PCDH7: variants seen among roughly 807,000 people sequenced by gnomAD.
The protein encoded by PCDH7 is protocadherin 7.
PCDH7 carries 17 observed loss-of-function variants against 58.9 expected under a neutral mutation model. The ratio of observed to expected loss-of-function variants is 0.29; its 90% CI spans 0.20 to 0.43. The LOEUF is 0.43. PCDH7 is among the 20% of genes least tolerant of loss of function. The pLI, the probability that PCDH7 is intolerant of heterozygous loss-of-function variation, is 1.00. For synonymous variants in PCDH7, 664 were observed against 616.4 expected (o/e 1.08, Z -1.14); for missense variants, 1,274 against 1,441.0 (o/e 0.88, Z 1.88).
chr4:30,725,146 G>A, intron 1 of PCDH7: 1 of 999,978 alleles, frequency 1.0e-6, no homozygotes, highest in Non-Finnish European at 1.2e-6. Flanking sequence ...CTACTTTGAT[G>A]AAACTGCTGG....
chr4:30,884,519 G>C (rs1296649085), intron 1 of PCDH7: 1 of 152,138 alleles, frequency 6.6e-6, no homozygotes, highest in Non-Finnish European at 1.5e-5. Context: ...AATGGATGCT[G>C]TCTGTCCGAT....
At chr4:30,968,777 CTGGCATAGGATGCTCTATAG>C (rs981042863) in intron 3 of PCDH7, among the ~76,000 whole-genome samples, 12 of 152,038 alleles carry the variant, frequency 7.9e-5, no homozygotes, top group East Asian at 1.9e-4. Flanking sequence ...AAAACAGAAA[CTGGCATAGGATGCTCTATAG>C]TGGCATAGGA....
At chr4:30,761,375 G>A (rs932803963) in intron 1 of PCDH7, among the ~76,000 whole-genome samples, 6 of 152,020 alleles carry the variant, frequency 3.9e-5, no homozygotes, top group Admixed American at 6.5e-5. Context: ...AGTCACATAT[G>A]TAATTTTTAA....
At chr4:30,991,490 C>A (rs943134729) in intron 3 of PCDH7, among the ~76,000 whole-genome samples, 6 of 152,116 alleles carry the variant, frequency 3.9e-5, no homozygotes, top group Non-Finnish European at 8.8e-5. Context: ...TCAGCACTCT[C>A]GAGACTGAGG....
intron 1 of PCDH7, among the ~76,000 whole-genome samples, chr4:30,915,839 A>C (rs1166187806): frequency 6.6e-6 from 1 of 151,860 alleles, no homozygotes; most frequent in East Asian, 1.9e-4. Context: ...CTTTTTTTCA[A>C]ATTGCTTGCT....
At position 30,724,625 on chromosome 4, in the gene PCDH7, A is replaced by T. The variant is rs767223821; in HGVS notation, c.3174+29A>T. 5 of 1,606,482 alleles carry T rather than the reference A, an allele frequency of 3.1e-6. No homozygotes were observed. The South Asian group carries it at 5.5e-5, about 18-fold the overall frequency. On this transcript the variant is annotated intron_variant, in intron 1 of 1. Coordinates refer to ENST00000361762, the Ensembl canonical transcript of PCDH7. ...AGATGTATCCCAAATATATTTAAAT[A>T]TCCCAGGGAGGGCTAATAACTCTGA...
At chr4:30,796,819 C>A (rs1055942440) in intron 1 of PCDH7, among the ~76,000 whole-genome samples, 1 of 152,174 alleles carries the variant, frequency 6.6e-6, no homozygotes, top group African/African-American at 2.4e-5. Flanking sequence ...AAGGCTTTTA[C>A]GTGCTTTGCA....
chr4:30,866,874 G>A (rs536199526), intron 1 of PCDH7, among the ~76,000 whole-genome samples: 36 of 152,218 alleles, frequency 2.4e-4, no homozygotes, highest in African/African-American at 8.4e-4. Flanking sequence ...TTTTGATAAA[G>A]CAGTAAACCT....
At chr4:31,022,066 C>A (rs1199181159) in intron 3 of PCDH7, among the ~76,000 whole-genome samples, 1 of 152,102 alleles carries the variant, frequency 6.6e-6, no homozygotes, top group Non-Finnish European at 1.5e-5. Context: ...ATAAAGAACA[C>A]TTCCTTTGAA....
chr4:30,937,603 C>T (rs1745511124), intron 2 of PCDH7, among the ~76,000 whole-genome samples: 1 of 151,804 alleles, frequency 6.6e-6, no homozygotes, highest in Admixed American at 6.6e-5. Flanking sequence ...TTGAAATTAC[C>T]AGCATGACAG....
Position 30,752,539 on chromosome 4 carries a change from C to A in PCDH7, c.70+27943C>A, listed in dbSNP as rs181022094. ...CAGTAGTTTAGCCTTAATATTTCTA[C>A]TTCTCAAAATAATAAAATTTCAAAG... On this transcript the variant is annotated intron_variant, in intron 1 of 3. Transcript: ENST00000509759. Among the ~76,000 whole-genome samples, 234 of 151,716 alleles carry A rather than the reference C, an allele frequency of 1.5e-3. 2 individuals carry two copies. Among genetic ancestry groups the A allele is most frequent in the African/African-American group, 5.5e-3 (226 of 41,362 alleles).
intron 1 of PCDH7, among the ~76,000 whole-genome samples, chr4:30,916,795 A>G (rs1008072713): frequency 4.6e-5 from 7 of 152,168 alleles, no homozygotes; most frequent in African/African-American, 1.4e-4. Flanking sequence ...CTTCCTGACA[A>G]TAAAGTTTCT....
intron 1 of PCDH7, among the ~76,000 whole-genome samples, chr4:30,835,022 A>C (rs1364155345): frequency 6.6e-6 from 1 of 152,124 alleles, no homozygotes; most frequent in Non-Finnish European, 1.5e-5. Flanking sequence ...GCCATATATA[A>C]TAATAAACCA....
intron 1 of PCDH7, among the ~76,000 whole-genome samples, chr4:30,863,885 T>C (rs1021194847): frequency 5.3e-5 from 8 of 152,268 alleles, no homozygotes; most frequent in Admixed American, 2.0e-4. Flanking sequence ...TCCTGAAGCA[T>C]ACATCTGCTG....
chr4:30,834,369 C>T lies in PCDH7; in HGVS notation c.71-85784C>T, dbSNP rs115395002. Among the ~76,000 whole-genome samples the T allele has an allele frequency of 7.8e-3, 1,193 of 152,210 alleles. 6 individuals are homozygous for T. Among genetic ancestry groups the T allele is most frequent in the Non-Finnish European group, 0.011 (774 of 68,022 alleles). ...TGCTCATCACGATAAAGCAATATATCAGATACAATTATTATCAACATTTTG... is the reference window on the plus strand; with the variant it reads ...TGCTCATCACGATAAAGCAATATATTAGATACAATTATTATCAACATTTTG... On this transcript the variant is annotated intron_variant, in intron 1 of 3. Transcript: ENST00000509759.
At chr4:31,096,564 A>G (rs1040557923) in intron 3 of PCDH7, among the ~76,000 whole-genome samples, 2 of 152,236 alleles carry the variant, frequency 1.3e-5, no homozygotes, top group African/African-American at 4.8e-5. Flanking sequence ...CAGAAGGTTG[A>G]GTTAAATCTA....
At chr4:30,803,771 A>T (rs9291550) in intron 1 of PCDH7, among the ~76,000 whole-genome samples, 5,517 of 152,252 alleles carry the variant, frequency 0.036, 327 homozygotes, top group African/African-American at 0.13. Context: ...ACTGTGGATG[A>T]CTAGATTTAG....
intron 1 of PCDH7, among the ~76,000 whole-genome samples, chr4:30,860,717 A>G (rs1400008705): frequency 6.6e-6 from 1 of 152,172 alleles, no homozygotes; most frequent in Non-Finnish European, 1.5e-5. Flanking sequence ...TAAAATTTTT[A>G]TGTAAAAATT....
intron 1 of PCDH7, among the ~76,000 whole-genome samples, chr4:30,900,531 C>T (rs1184790846): frequency 1.3e-5 from 2 of 152,114 alleles, no homozygotes; most frequent in Non-Finnish European, 2.9e-5. Context: ...GACACAGGAG[C>T]AACACATCAT....
Sources: gnomAD v4.1 joint callset for allele counts (sites outside exome capture counted in the v4.1 genomes callset) on GRCh38, gnomAD v4.1.1 for gene constraint, MANE v1.5 for transcripts, NCBI Gene and HGNC (gene_info 2026-07-23, HGNC 2026-07-21) for gene names.